Variants in EYS observed in about 807,000 individuals in gnomAD.
EYS encodes the protein protein eyes shut homolog.
A neutral mutation model predicts 282.1 loss-of-function variants in EYS; 250 were observed. The ratio of observed to expected loss-of-function variants is 0.89; its 90% CI spans 0.80 to 0.98. The LOEUF is 0.98. EYS is among the 50% of genes least tolerant of loss of function. EYS has a pLI of 0.00. For missense variants in EYS, 4,016 were observed against 3,709.0 expected (o/e 1.08, Z -2.15); for synonymous variants, 1,355 against 1,282.9 (o/e 1.06, Z -1.20).
At chr6:64,211,811 C>A (rs936513567) in intron 31 of EYS, among the ~76,000 whole-genome samples, 5 of 151,164 alleles carry the variant, frequency 3.3e-5, no homozygotes, top group Non-Finnish European at 7.4e-5. Context: ...TACTGTTTAA[C>A]CTTCTCAAAA....
chr6:64,893,643 T>C (rs1381580399), intron 18 of EYS, among the ~76,000 whole-genome samples: 2 of 152,048 alleles, frequency 1.3e-5, no homozygotes, highest in Non-Finnish European at 2.9e-5. Flanking sequence ...TCATTGAAAA[T>C]GGCTTTTATT....
intron 29 of EYS, among the ~76,000 whole-genome samples, chr6:64,329,999 A>G (rs1770580280): frequency 6.6e-6 from 1 of 152,146 alleles, no homozygotes; most frequent in African/African-American, 2.4e-5. Flanking sequence ...TCCACCAAGG[A>G]TTGAAAAACT....
intron 12 of EYS, among the ~76,000 whole-genome samples, chr6:65,244,726 G>T (rs957051241): frequency 9.4e-5 from 14 of 149,660 alleles, no homozygotes; most frequent in Admixed American, 1.3e-4. Context: ...GTTTCACCGT[G>T]TTAGCTAGGA....
chr6:65,436,313 C>T (rs1033140101), intron 5 of EYS, among the ~76,000 whole-genome samples: 1 of 152,008 alleles, frequency 6.6e-6, no homozygotes, highest in African/African-American at 2.4e-5. Context: ...CAACCAACAA[C>T]AGACATTATT....
chr6:65,417,571 G>A (rs968391124), intron 5 of EYS, among the ~76,000 whole-genome samples: 3 of 151,998 alleles, frequency 2.0e-5, no homozygotes, highest in African/African-American at 7.2e-5. Flanking sequence ...TTTGGGCTTT[G>A]TGGGCCATCA....
chr6:64,661,766 C>G (rs1302961557), intron 22 of EYS, among the ~76,000 whole-genome samples: 1 of 136,470 alleles, frequency 7.3e-6, no homozygotes, highest in Non-Finnish European at 1.6e-5. Flanking sequence ...GAAATAGGAA[C>G]ACTTTTACAC....
intron 41 of EYS, among the ~76,000 whole-genome samples, chr6:63,736,246 C>G (rs1318133985): frequency 6.6e-6 from 1 of 152,162 alleles, no homozygotes; most frequent in Non-Finnish European, 1.5e-5. Flanking sequence ...TTTAATCCAT[C>G]TTGAATTAAT....
intron 30 of EYS, among the ~76,000 whole-genome samples, chr6:64,286,057 G>C (rs1044316869): frequency 6.6e-6 from 1 of 152,162 alleles, no homozygotes; most frequent in Non-Finnish European, 1.5e-5. Flanking sequence ...AAGAAATAAA[G>C]TATTTAGCAT....
At chr6:64,228,165 A>T (rs1238839812) in intron 31 of EYS, among the ~76,000 whole-genome samples, 1 of 152,116 alleles carries the variant, frequency 6.6e-6, no homozygotes, top group African/African-American at 2.4e-5. Flanking sequence ...TTACATTTAG[A>T]GCAATAGGTT....
chr6:64,351,249 A>G (rs2150403378), intron 29 of EYS, among the ~76,000 whole-genome samples: 1 of 151,636 alleles, frequency 6.6e-6, no homozygotes, highest in African/African-American at 2.4e-5. Context: ...TGAACTTAGT[A>G]TTCTGTGATT....
chr6:65,034,105 G>T (rs1010283782), intron 13 of EYS, among the ~76,000 whole-genome samples: 29 of 152,188 alleles, frequency 1.9e-4, no homozygotes, highest in African/African-American at 6.8e-4. Flanking sequence ...CACGGGGCCT[G>T]TAGCCCCTTT....
chr6:64,740,704 G>T, intron 22 of EYS, among the ~76,000 whole-genome samples: 1 of 137,942 alleles, frequency 7.2e-6, no homozygotes, highest in Admixed American at 8.2e-5. Context: ...TGTCCAGAAA[G>T]AATATGTCCA....
At chr6:64,162,829 T>C (rs1304832858) in intron 31 of EYS, among the ~76,000 whole-genome samples, 2 of 152,186 alleles carry the variant, frequency 1.3e-5, no homozygotes, top group East Asian at 3.8e-4. Context: ...AAATTAATAA[T>C]ATGAATTGTT....
chr6:63,771,816 C>A (rs1769932018), intron 40 of EYS, among the ~76,000 whole-genome samples: 1 of 152,178 alleles, frequency 6.6e-6, no homozygotes, highest in Non-Finnish European at 1.5e-5. Context: ...TTAAAATCTA[C>A]ACTCTTCAAA....
chr6:65,129,981 AAG>A (rs1313028262), intron 12 of EYS, among the ~76,000 whole-genome samples: 1 of 152,026 alleles, frequency 6.6e-6, no homozygotes, highest in Non-Finnish European at 1.5e-5. Context: ...TAGCCATAAA[AAG>A]AAAAAAAATC....
intron 12 of EYS, among the ~76,000 whole-genome samples, chr6:65,137,484 T>C (rs1776053827): frequency 6.6e-6 from 1 of 152,102 alleles, no homozygotes; most frequent in African/African-American, 2.4e-5. Flanking sequence ...ACTGGAGACT[T>C]TTAAGCCAGA....
intron 14 of EYS, among the ~76,000 whole-genome samples, chr6:64,980,599 T>C (rs1302933672): frequency 6.6e-6 from 1 of 151,472 alleles, no homozygotes; most frequent in Non-Finnish European, 1.5e-5. Context: ...ATACTTTGTG[T>C]TCCTATCTCC....
chr6:63,770,869 G>A (rs999538090), intron 40 of EYS, among the ~76,000 whole-genome samples: 15 of 152,114 alleles, frequency 9.9e-5, no homozygotes, highest in African/African-American at 3.6e-4. Context: ...AACTCGACAT[G>A]TTTACTAGGA....
intron 33 of EYS, among the ~76,000 whole-genome samples, chr6:64,031,409 C>A (rs1319479410): frequency 6.6e-6 from 1 of 152,188 alleles, no homozygotes; most frequent in Admixed American, 6.5e-5. Flanking sequence ...CCAACCCCCA[C>A]CCTCCATGGG....
Sources: gnomAD v4.1 joint callset for allele counts (sites outside exome capture counted in the v4.1 genomes callset) on GRCh38, gnomAD v4.1.1 for gene constraint, MANE v1.5 for transcripts, NCBI Gene and HGNC (gene_info 2026-07-23, HGNC 2026-07-21) for gene names.